The following RAP1GDS1 variants were observed in gnomAD, a reference collection of about 807,000 sequenced individuals.
RAP1GDS1 encodes the protein Rap1 GTPase-GDP dissociation stimulator 1.
A neutral mutation model predicts 71.1 loss-of-function variants in RAP1GDS1; 35 were observed. The observed-to-expected ratio is 0.49, with a 90% CI of 0.38 to 0.65. The LOEUF (loss-of-function observed/expected upper bound fraction) is 0.65, where lower values mean the gene tolerates loss of function less well. RAP1GDS1 is among the 30% of genes least tolerant of loss of function. RAP1GDS1 has a pLI of 0.00. For missense variants in RAP1GDS1, 663 were observed against 706.1 expected (o/e 0.94, Z 0.69); for synonymous variants, 229 against 243.1 (o/e 0.94, Z 0.54).
At chr4:98,344,206 A>AT (rs1735914224) in intron 3 of RAP1GDS1, among the ~76,000 whole-genome samples, 1 of 152,104 alleles carries the variant, frequency 6.6e-6, no homozygotes, top group African/African-American at 2.4e-5. Flanking sequence ...TTGGTATATG[A>AT]TTTTTTGGTG....
intron 2 of RAP1GDS1, among the ~76,000 whole-genome samples, chr4:98,326,448 T>C (rs1428104152): frequency 6.6e-6 from 1 of 152,276 alleles, no homozygotes; most frequent in South Asian, 2.1e-4. Flanking sequence ...TTCTTTTCTT[T>C]CTAGGATTAT....
chr4:98,284,195 A>G (rs1321768502), intron 1 of RAP1GDS1, among the ~76,000 whole-genome samples: 1 of 152,292 alleles, frequency 6.6e-6, no homozygotes, highest in African/African-American at 2.4e-5. Flanking sequence ...AGTGATATCC[A>G]TATAATTTTT....
intron 2 of RAP1GDS1, among the ~76,000 whole-genome samples, chr4:98,296,756 C>T (rs1727814175): frequency 6.6e-6 from 1 of 152,078 alleles, no homozygotes; most frequent in Non-Finnish European, 1.5e-5. Flanking sequence ...AATAGGCCAC[C>T]TATTTTCATC....
rs554524917 is a variant in RAP1GDS1, at chr4:98,394,227, C to T, written c.637+2147C>T. ...GTTTTGTGTCTAAATCTTGTAAATG[C>T]TTCAACATTAGGAACTGTGCAGAAC... On this transcript the variant is annotated intron_variant, in intron 6 of 14. Coordinates refer to ENST00000408927, the MANE Select transcript of RAP1GDS1 (RefSeq NM_001100427.2). 5.9e-5 allele frequency among the ~76,000 whole-genome samples: 9 copies of T among 152,242 alleles called. No homozygotes were observed. The South Asian group carries it at 1.9e-3, about 32-fold the overall frequency.
At chr4:98,320,133 ATG>A (rs1405672689) in intron 2 of RAP1GDS1, among the ~76,000 whole-genome samples, 1 of 152,208 alleles carries the variant, frequency 6.6e-6, no homozygotes, top group Non-Finnish European at 1.5e-5. Flanking sequence ...CATACTGAAT[ATG>A]TGTTAATTGT....
chr4:98,287,681 G>T (rs923490594), intron 1 of RAP1GDS1, among the ~76,000 whole-genome samples: 2 of 152,094 alleles, frequency 1.3e-5, no homozygotes, highest in Admixed American at 1.3e-4. Context: ...TAGCTCTTTT[G>T]TTTCTCTTCA....
At position 98,443,831 on chromosome 4, in the gene RAP1GDS1, ATAACT is replaced by A. The variant is rs950058050; in HGVS notation, c.*1718_*1722del. On this transcript the variant is annotated 3_prime_UTR_variant, in exon 15 of 15. Transcript: ENST00000408927. ...TAATGTTGCATATCTGTTCATATTA[ATAACT>A]TAATAAATAGTATATGAAGCTATAA... The A allele has an allele frequency of 5.2e-4, 94 of 179,172 alleles. No individual in the cohort carries two copies. The highest frequency in any genetic ancestry group is 2.1e-3 in the Middle Eastern group (1 of 470). 11.1% of individuals were successfully genotyped at this position (179,172 alleles called of 1,614,324 possible). A position where few individuals can be genotyped will look rare whatever the true frequency, so the allele number is the denominator to read the frequency against.
At chr4:98,402,473 T>G (rs1745568769) in intron 6 of RAP1GDS1, among the ~76,000 whole-genome samples, 1 of 152,168 alleles carries the variant, frequency 6.6e-6, no homozygotes, top group Non-Finnish European at 1.5e-5. Context: ...CACCCTACCC[T>G]TACTTTTTTT....
chr4:98,407,468 TACAC>T (rs568505447), intron 7 of RAP1GDS1, among the ~76,000 whole-genome samples: 5 of 148,960 alleles, frequency 3.4e-5, no homozygotes, highest in East Asian at 3.9e-4. Context: ...GGGGTGTGTA[TACAC>T]ACACACACAC....
At chr4:98,385,128 C>G (rs1403555933) in intron 5 of RAP1GDS1, among the ~76,000 whole-genome samples, 1 of 151,610 alleles carries the variant, frequency 6.6e-6, no homozygotes, top group East Asian at 1.9e-4. Context: ...TGATTTCATC[C>G]TTACAAGATG....
rs912340715 is a variant in RAP1GDS1 at position 98,302,902 on chromosome 4, C to T, written c.112+9387C>T. On this transcript the variant is annotated intron_variant, in intron 2 of 14. Coordinates refer to ENST00000408927, the MANE Select transcript of RAP1GDS1 (RefSeq NM_001100427.2). ...CTCTACTAAAAATACAAAAATTAGC[C>T]GAGTCTGGTCATGCATGCCTGTAAT... Among the ~76,000 whole-genome samples the T allele has an allele frequency of 1.4e-4, 21 of 152,128 alleles. No individual in the cohort carries two copies. The South Asian group carries it at 1.9e-3, about 14-fold the overall frequency.
At chr4:98,420,402 G>C (rs1231509651) in intron 11 of RAP1GDS1, among the ~76,000 whole-genome samples, 2 of 151,322 alleles carry the variant, frequency 1.3e-5, no homozygotes, top group Admixed American at 6.6e-5. Flanking sequence ...GTCTTGTTCT[G>C]TCACCCAGGC....
intron 2 of RAP1GDS1, among the ~76,000 whole-genome samples, chr4:98,330,226 C>T (rs1733749632): frequency 1.3e-5 from 2 of 152,248 alleles, no homozygotes; most frequent in East Asian, 1.9e-4. Flanking sequence ...CTTCTTTCTA[C>T]ACAGACACAG....
intron 1 of RAP1GDS1, among the ~76,000 whole-genome samples, chr4:98,284,057 G>A (rs959284007): frequency 8.5e-5 from 13 of 152,116 alleles, no homozygotes; most frequent in East Asian, 1.9e-4. Flanking sequence ...GCAGACACAC[G>A]TATATCTGGA....
chr4:98,391,542 TA>T (rs1249380546), intron 5 of RAP1GDS1, among the ~76,000 whole-genome samples: 1 of 152,104 alleles, frequency 6.6e-6, no homozygotes, highest in African/African-American at 2.4e-5. Flanking sequence ...TGGTCTTCAT[TA>T]AACTTGCTAC....
chr4:98,329,520 T>A (rs1430815248), intron 2 of RAP1GDS1, among the ~76,000 whole-genome samples: 1 of 152,220 alleles, frequency 6.6e-6, no homozygotes, highest in Non-Finnish European at 1.5e-5. Context: ...CAAGGTGTGG[T>A]GGCTCATGCC....
rs1025640076 is a variant in RAP1GDS1, at chr4:98,357,142, T to C, written c.361+4541T>C. Among the ~76,000 whole-genome samples the C allele has an allele frequency of 3.9e-5, 6 of 152,062 alleles. No homozygotes were observed. The East Asian group carries it at 9.6e-4, about 24-fold the overall frequency. On this transcript the variant is annotated intron_variant, in intron 4 of 14. Coordinates refer to ENST00000408927, the MANE Select transcript of RAP1GDS1 (RefSeq NM_001100427.2). The stretch of plus-strand genomic sequence containing the variant: ...AATCAAAATATATTTGCAACAGTTA[T>C]ATTCAAAAGGGAACTATTTATATCC...
intron 4 of RAP1GDS1, among the ~76,000 whole-genome samples, chr4:98,372,226 G>A (rs1443480822): frequency 6.6e-6 from 1 of 152,068 alleles, no homozygotes; most frequent in Non-Finnish European, 1.5e-5. Flanking sequence ...GCTGTGGCGC[G>A]ATCTCGGCTC....
chr4:98,341,676 C>G (rs1408529165), intron 2 of RAP1GDS1, among the ~76,000 whole-genome samples: 2 of 151,636 alleles, frequency 1.3e-5, no homozygotes, highest in African/African-American at 4.9e-5. Flanking sequence ...AAGATTTTAA[C>G]ATGGCAAATT....
Sources: gnomAD v4.1 joint callset for allele counts (sites outside exome capture counted in the v4.1 genomes callset) on GRCh38, gnomAD v4.1.1 for gene constraint, MANE v1.5 for transcripts, NCBI Gene and HGNC (gene_info 2026-07-23, HGNC 2026-07-21) for gene names.